The following GFRA1 variants were observed in gnomAD, a reference collection of about 807,000 sequenced individuals.
GFRA1 encodes the protein GDNF family receptor alpha-1.
Under a neutral mutation model 51.6 loss-of-function variants are expected in GFRA1, and 16 were observed. The ratio of observed to expected loss-of-function variants is 0.31; its 90% CI spans 0.21 to 0.47. The LOEUF (loss-of-function observed/expected upper bound fraction) is 0.47. GFRA1 is among the 20% of genes least tolerant of loss of function. The probability of loss-of-function intolerance (pLI) is 1.00; values close to 1 mark genes in which losing one functional copy is unlikely to be tolerated. For missense variants in GFRA1, 530 were observed against 594.3 expected, an observed-to-expected ratio of 0.89 and a Z score of 1.13; for synonymous variants, 270 against 241.3, an observed-to-expected ratio of 1.12 and a Z score of -1.10.
chr10:116,213,833 G>A (rs1463488551), intron 4 of GFRA1, among the ~76,000 whole-genome samples: 5 of 152,194 alleles, frequency 3.3e-5, no homozygotes, highest in African/African-American at 1.2e-4. Flanking sequence ...GCCAGTGGTT[G>A]TGGTGCAGGT....
chr10:116,138,638 C>A (rs574947760), intron 5 of GFRA1, among the ~76,000 whole-genome samples: 10 of 127,986 alleles, frequency 7.8e-5, no homozygotes, highest in East Asian at 5.7e-4. Context: ...GGTAGGAACC[C>A]CCCCCCGACC....
At chr10:116,168,641 A>C (rs751413957) in intron 5 of GFRA1, among the ~76,000 whole-genome samples, 1 of 152,176 alleles carries the variant, frequency 6.6e-6, no homozygotes, top group Non-Finnish European at 1.5e-5. Context: ...GTGGAGAGGA[A>C]GGGCCAACCT....
chr10:116,100,270 T>C (rs1322949864), intron 6 of GFRA1, among the ~76,000 whole-genome samples: 1 of 152,244 alleles, frequency 6.6e-6, no homozygotes, highest in Non-Finnish European at 1.5e-5. Context: ...CATGTATTCA[T>C]ACATTGGATT....
At chr10:116,211,896 A>G (rs1334074735) in intron 4 of GFRA1, among the ~76,000 whole-genome samples, 2 of 152,152 alleles carry the variant, frequency 1.3e-5, no homozygotes, top group African/African-American at 4.8e-5. Flanking sequence ...CACAAAATAG[A>G]TCTAAGTACG....
intron 5 of GFRA1, among the ~76,000 whole-genome samples, chr10:116,158,886 C>G (rs1202189685): frequency 6.6e-6 from 1 of 152,218 alleles, no homozygotes; most frequent in Non-Finnish European, 1.5e-5. Flanking sequence ...TCAACACAGT[C>G]TCAGCCCCTA....
intron 5 of GFRA1, among the ~76,000 whole-genome samples, chr10:116,132,137 G>GCT (rs1197393668): frequency 6.6e-6 from 1 of 151,956 alleles, no homozygotes; most frequent in Non-Finnish European, 1.5e-5. Context: ...GAGCCCAGAA[G>GCT]GTCAAGGCTG....
intron 4 of GFRA1, among the ~76,000 whole-genome samples, chr10:116,216,709 TG>T (rs1302413167): frequency 4.6e-5 from 7 of 152,218 alleles, no homozygotes; most frequent in South Asian, 2.1e-4. Context: ...AAGTCTCACC[TG>T]GGGAGACAGC....
chr10:116,205,928 A>T (rs1221636243), intron 5 of GFRA1, among the ~76,000 whole-genome samples: 14 of 85,486 alleles, frequency 1.6e-4, no homozygotes, highest in African/African-American at 8.4e-4. Flanking sequence ...TCCTCATATC[A>T]CACACACACA....
At position 116,126,137 on chromosome 10, in the gene GFRA1, G is replaced by A. The variant is rs576424765; in HGVS notation, c.434-580C>T. On this transcript the variant is annotated intron_variant, in intron 5 of 10. Coordinates refer to ENST00000355422, the MANE Select transcript of GFRA1 (RefSeq NM_005264.8). ...GTATTTAAATTTTAGCTCGCAGGGC[G>A]TTGGAAGAAAACCAGGATAAATCAC... 5.9e-5 allele frequency among the ~76,000 whole-genome samples: 9 copies of A among 152,338 alleles called. No homozygotes were observed. In the South Asian group the frequency reaches 1.2e-3, roughly 21 times the overall value.
intron 5 of GFRA1, among the ~76,000 whole-genome samples, chr10:116,167,014 T>C (rs2134206339): frequency 6.6e-6 from 1 of 151,980 alleles, no homozygotes; most frequent in East Asian, 1.9e-4. Flanking sequence ...TTAGCCAGGA[T>C]GGTCTCAATC....
intron 5 of GFRA1, among the ~76,000 whole-genome samples, chr10:116,187,769 T>G (rs10787635): frequency 0.51 from 77,137 of 151,952 alleles, 20,223 homozygotes; most frequent in Middle Eastern, 0.61. Context: ...ATGTAACTGT[T>G]GAAATCTCAA....
At chr10:116,159,865 C>T (rs566033820) in intron 5 of GFRA1, among the ~76,000 whole-genome samples, 1 of 152,328 alleles carries the variant, frequency 6.6e-6, no homozygotes, top group East Asian at 1.9e-4. Context: ...AACGTGAAGA[C>T]CACCTATCAC....
At chr10:116,196,560 CTATATATAATA>C (rs1437549728) in intron 5 of GFRA1, among the ~76,000 whole-genome samples, 1 of 88,444 alleles carries the variant, frequency 1.1e-5, no homozygotes, top group Non-Finnish European at 2.2e-5. Flanking sequence ...TTTATATATA[CTATATATAATA>C]TATATAATAT....
intron 5 of GFRA1, among the ~76,000 whole-genome samples, chr10:116,148,691 C>T (rs752614272): frequency 8.5e-5 from 13 of 152,110 alleles, no homozygotes; most frequent in Admixed American, 3.9e-4. Context: ...TATGGACAGC[C>T]TCATAAATAT....
intron 4 of GFRA1, among the ~76,000 whole-genome samples, chr10:116,219,628 A>G (rs1447084322): frequency 1.3e-5 from 2 of 152,222 alleles, no homozygotes; most frequent in Non-Finnish European, 2.9e-5. Context: ...AAACAAAAGA[A>G]GCTGACAAGT....
At chr10:116,173,348 G>A (rs1442548699) in intron 5 of GFRA1, among the ~76,000 whole-genome samples, 1 of 152,090 alleles carries the variant, frequency 6.6e-6, no homozygotes, top group Non-Finnish European at 1.5e-5. Context: ...GTTGATTGGA[G>A]GGTTGATGGG....
intron 9 of GFRA1, among the ~76,000 whole-genome samples, chr10:116,086,796 TA>T (rs1204125863): frequency 6.6e-6 from 1 of 152,152 alleles, no homozygotes; most frequent in Non-Finnish European, 1.5e-5. Context: ...AGCCCAGAGA[TA>T]AACGTCATGC....
At chr10:116,089,264 C>T (rs2133870734) in intron 9 of GFRA1, among the ~76,000 whole-genome samples, 1 of 152,304 alleles carries the variant, frequency 6.6e-6, no homozygotes, top group East Asian at 1.9e-4. Flanking sequence ...GTCAAGCAGT[C>T]TGCATGGGAA....
chr10:116,214,364 C>G (rs1042736041), intron 4 of GFRA1, among the ~76,000 whole-genome samples: 3 of 152,176 alleles, frequency 2.0e-5, no homozygotes, highest in Non-Finnish European at 4.4e-5. Flanking sequence ...CTCTTAATCA[C>G]CTTTGTGGGT....
Sources: gnomAD v4.1 joint callset for allele counts (sites outside exome capture counted in the v4.1 genomes callset) on GRCh38, gnomAD v4.1.1 for gene constraint, MANE v1.5 for transcripts, NCBI Gene and HGNC (gene_info 2026-07-23, HGNC 2026-07-21) for gene names.